The following THADA variants were observed in gnomAD, a reference collection of about 807,000 sequenced individuals.
The protein encoded by THADA is tRNA (32-2'-O)-methyltransferase regulator THADA.
Under a neutral mutation model 219.8 loss-of-function variants are expected in THADA, and 213 were observed. That is an observed-to-expected ratio of 0.97 (90% CI 0.87 to 1.09). The LOEUF is 1.09. Among genes scored for constraint, THADA ranks in the 50% least tolerant of loss-of-function variants. THADA has a pLI of 0.00. For synonymous variants in THADA, 1,018 were observed against 828.9 expected (o/e 1.23, Z -3.92); for missense variants, 2,956 against 2,311.3 (o/e 1.28, Z -5.72).
intron 29 of THADA, among the ~76,000 whole-genome samples, chr2:43,385,351 A>G (rs1170847517): frequency 6.6e-6 from 1 of 152,136 alleles, no homozygotes; most frequent in Non-Finnish European, 1.5e-5. Context: ...TCATGCCTGT[A>G]ATCCCAGCAC....
intron 27 of THADA, 51 bp downstream of exon 27, chr2:43,430,162 A>C: frequency 1.2e-6 from 1 of 852,726 alleles, no homozygotes; most frequent in Non-Finnish European, 1.8e-6. Context: ...TCAATTACTA[A>C]GGTAATTCAC....
chr2:43,569,509 G>T (rs191809538), intron 14 of THADA, among the ~76,000 whole-genome samples: 3 of 152,150 alleles, frequency 2.0e-5, no homozygotes, highest in Admixed American at 2.0e-4. Flanking sequence ...AGTTCAGGTT[G>T]TGACGTCCCA....
chr2:43,243,166 T>C (rs1668789406), intron 36 of THADA, among the ~76,000 whole-genome samples: 1 of 152,190 alleles, frequency 6.6e-6, no homozygotes, highest in South Asian at 2.1e-4. Context: ...GGGGTCTCCC[T>C]TTCAGCCAGA....
intron 3 of THADA, among the ~76,000 whole-genome samples, chr2:43,591,667 T>G (rs1203743902): frequency 6.6e-6 from 1 of 152,222 alleles, no homozygotes; most frequent in Non-Finnish European, 1.5e-5. Flanking sequence ...CTAAAAAGTT[T>G]TGAAGATTCA....
chr2:43,496,535 C>A (rs1217857180), intron 25 of THADA, among the ~76,000 whole-genome samples: 1 of 152,016 alleles, frequency 6.6e-6, no homozygotes, highest in Non-Finnish European at 1.5e-5. Flanking sequence ...CCACAGCATC[C>A]AAAATACAGA....
At chr2:43,548,058 T>G (rs13421769) in intron 20 of THADA, among the ~76,000 whole-genome samples, 4,575 of 152,244 alleles carry the variant, frequency 0.03, 243 homozygotes, top group African/African-American at 0.1. Context: ...GGATGTCCTT[T>G]CTGTTTGTTA....
intron 30 of THADA, among the ~76,000 whole-genome samples, chr2:43,335,121 A>G (rs1390080518): frequency 6.6e-6 from 1 of 152,116 alleles, no homozygotes; most frequent in Admixed American, 6.5e-5. Context: ...AAAATGGAGG[A>G]TCTCAGGCTC....
chr2:43,331,918 T>C (rs1665815939), intron 30 of THADA, among the ~76,000 whole-genome samples: 6 of 142,740 alleles, frequency 4.2e-5, no homozygotes, highest in South Asian at 2.2e-4. Context: ...ATATATCTAA[T>C]ACACACACAC....
chr2:43,450,169 G>C (rs968045735), intron 26 of THADA, among the ~76,000 whole-genome samples: 1 of 152,050 alleles, frequency 6.6e-6, no homozygotes, highest in African/African-American at 2.4e-5. Flanking sequence ...TCCACTTTTT[G>C]TAATCTACAA....
intron 29 of THADA, among the ~76,000 whole-genome samples, chr2:43,374,280 G>A (rs1671129235): frequency 6.6e-6 from 1 of 152,144 alleles, no homozygotes; most frequent in African/African-American, 2.4e-5. Context: ...CAGCAAATGA[G>A]AGTTAGGTGA....
intron 31 of THADA, among the ~76,000 whole-genome samples, chr2:43,300,606 G>A (rs1676147521): frequency 6.6e-6 from 1 of 152,154 alleles, no homozygotes; most frequent in Non-Finnish European, 1.5e-5. Context: ...GAACCTTGCT[G>A]GGAGAGGAGA....
intron 26 of THADA, among the ~76,000 whole-genome samples, chr2:43,436,300 C>T (rs561856599): frequency 2.6e-5 from 4 of 152,194 alleles, no homozygotes; most frequent in Admixed American, 6.5e-5. Context: ...TCTCAGACCC[C>T]GGGAGGTACA....
At chr2:43,433,714 G>C (rs951442322) in intron 26 of THADA, among the ~76,000 whole-genome samples, 5 of 152,078 alleles carry the variant, frequency 3.3e-5, no homozygotes, top group Non-Finnish European at 5.9e-5. Context: ...TTGAGACAGA[G>C]CCTTGCTCTG....
At chr2:43,284,940 G>A (rs767588970) in intron 35 of THADA, among the ~76,000 whole-genome samples, 5 of 152,200 alleles carry the variant, frequency 3.3e-5, no homozygotes, top group Non-Finnish European at 7.3e-5. Flanking sequence ...GCCCTGCTGG[G>A]TTTTGAACTT....
intron 34 of THADA, among the ~76,000 whole-genome samples, chr2:43,291,482 A>AAAAAAAAAAAAATT (rs1674711254): frequency 7.0e-6 from 1 of 142,204 alleles, no homozygotes; most frequent in African/African-American, 2.7e-5. Flanking sequence ...AAAAAAAAAA[A>AAAAAAAAAAAAATT]TCCTAAAACA....
At chr2:43,313,506 C>A (rs1483244086) in intron 31 of THADA, among the ~76,000 whole-genome samples, 1 of 152,178 alleles carries the variant, frequency 6.6e-6, no homozygotes, top group African/African-American at 2.4e-5. Context: ...CACCAGCAGC[C>A]TGGTATTAGG....
Position 43,515,854 on chromosome 2 carries a change from A to T in THADA, c.3375-7074T>A, listed in dbSNP as rs528205544. ...TCTAAAGGATGTACTTCAACAAAGTACACCTAAAGTAGTTTCAATGGGGTG... is the reference window on the plus strand; with the variant it reads ...TCTAAAGGATGTACTTCAACAAAGTTCACCTAAAGTAGTTTCAATGGGGTG... On this transcript the variant is annotated intron_variant, in intron 22 of 37. Coordinates refer to ENST00000405975, the MANE Select transcript of THADA (RefSeq NM_022065.5). Among the ~76,000 whole-genome samples, 6 of 152,266 alleles carry T rather than the reference A, an allele frequency of 3.9e-5. No homozygotes were observed. In the South Asian group the frequency reaches 1.2e-3, roughly 32 times the overall value.
At chr2:43,524,707 G>C (rs1692940274) in intron 22 of THADA, among the ~76,000 whole-genome samples, 1 of 152,176 alleles carries the variant, frequency 6.6e-6, no homozygotes, top group Admixed American at 6.5e-5. Flanking sequence ...TCTCTAAAGG[G>C]ATCAAGAACT....
intron 31 of THADA, among the ~76,000 whole-genome samples, chr2:43,294,837 A>C (rs1407885712): frequency 1.4e-5 from 2 of 146,010 alleles, no homozygotes; most frequent in African/African-American, 5.0e-5. Context: ...AAAAGGCAAA[A>C]AAGAAAGAAA....
Sources: gnomAD v4.1 joint callset for allele counts (sites outside exome capture counted in the v4.1 genomes callset) on GRCh38, gnomAD v4.1.1 for gene constraint, MANE v1.5 for transcripts, NCBI Gene and HGNC (gene_info 2026-07-23, HGNC 2026-07-21) for gene names.